The following FRZB variants were observed in gnomAD, a reference collection of about 807,000 sequenced individuals.
FRZB encodes the protein secreted frizzled-related protein 3.
FRZB carries 34 observed loss-of-function variants against 32.5 expected under a neutral mutation model. That is an observed-to-expected ratio of 1.05 (90% confidence interval 0.80 to 1.39). FRZB has a LOEUF of 1.39. Ranked by LOEUF, FRZB falls within the 40% of genes most tolerant of loss-of-function variation. The pLI, the probability that FRZB is intolerant of heterozygous loss-of-function variation, is 0.00. For synonymous variants in FRZB, 170 were observed against 159.2 expected (o/e 1.07, Z -0.51); for missense variants, 423 against 424.8 (o/e 1.00, Z 0.04).
In FRZB at chr2:182,837,942, G is replaced by A; in HGVS notation, c.861+6C>T. ...GTATTACTTCAAACATAAAATACAG[G>A]CTTACCTTAACTTTTTTACCGAGTC... On this transcript the variant is annotated splice_donor_region_variant and intron_variant, in intron 5 of 5. Coordinates refer to ENST00000295113, the MANE Select transcript of FRZB (RefSeq NM_001463.4). 2.5e-6 allele frequency: 4 copies of A among 1,608,174 alleles called. No homozygotes were observed. Among genetic ancestry groups the A allele is most frequent in the South Asian group, 1.1e-5 (1 of 90,884 alleles).
chr2:182,853,927 C>T (rs1173262059), intron 2 of FRZB, among the ~76,000 whole-genome samples: 1 of 152,048 alleles, frequency 6.6e-6, no homozygotes, highest in African/African-American at 2.4e-5. Context: ...TATCCATGAA[C>T]ATTAGAATGA....
At chr2:182,843,748 G>A (rs1372918935) in intron 2 of FRZB, among the ~76,000 whole-genome samples, 1 of 152,092 alleles carries the variant, frequency 6.6e-6, no homozygotes, top group African/African-American at 2.4e-5. Flanking sequence ...TCTGGGCAAT[G>A]TGGCAAAACC....
chr2:182,856,409 G>A (rs1461106673), intron 2 of FRZB, among the ~76,000 whole-genome samples: 1 of 151,660 alleles, frequency 6.6e-6, no homozygotes, highest in Non-Finnish European at 1.5e-5. Flanking sequence ...AAAGAAAGAA[G>A]AGAATGTGAA....
At chr2:182,841,382 C>G (rs1158855939) in intron 3 of FRZB, among the ~76,000 whole-genome samples, 1 of 151,900 alleles carries the variant, frequency 6.6e-6, no homozygotes, top group Non-Finnish European at 1.5e-5. Context: ...CTTTCAATTC[C>G]CAAAAGTATA....
intron 2 of FRZB, among the ~76,000 whole-genome samples, chr2:182,849,051 C>T (rs1451513873): frequency 6.6e-6 from 1 of 152,036 alleles, no homozygotes; most frequent in South Asian, 2.1e-4. Flanking sequence ...CACGGTGAAA[C>T]CCCGTCTCTA....
intron 2 of FRZB, among the ~76,000 whole-genome samples, chr2:182,849,271 T>C (rs1190186323): frequency 8.4e-6 from 1 of 119,424 alleles, no homozygotes; most frequent in African/African-American, 2.8e-5. Context: ...AATAAATAAA[T>C]AAATAAATGT....
intron 1 of FRZB, among the ~76,000 whole-genome samples, chr2:182,863,076 C>T (rs1338735793): frequency 1.3e-5 from 2 of 152,104 alleles, no homozygotes; most frequent in Non-Finnish European, 2.9e-5. Flanking sequence ...GCTTTAATTT[C>T]ATCTTTACCA....
In FRZB at chr2:182,866,262, G is replaced by C; in HGVS notation, c.291C>G (p.Thr97=). The C allele has an allele frequency of 6.2e-7, 1 of 1,614,226 alleles. No homozygotes were observed. The highest frequency in any genetic ancestry group is 8.5e-7 in the Non-Finnish European group (1 of 1,180,044). ...TGATGGGCTCGTGCTGGAAGTCAATGGTGCAGATGGGCGCGTACATGGCAC... is the reference window on the plus strand; with the variant it reads ...TGATGGGCTCGTGCTGGAAGTCAATCGTGCAGATGGGCGCGTACATGGCAC... ...FLCAMYAPIC[T]IDFQHEPIKP... Residue 97 remains threonine, a synonymous_variant, in exon 1 of 6, where the codon ACC becomes ACG. Transcript: ENST00000295113. The surrounding 1 kb of genome is among the most constrained non-coding windows in gnomAD (Gnocchi z 4.5).
rs554432959 is a variant in FRZB, at chr2:182,834,225, T to A, written c.*624A>T. The stretch of plus-strand genomic sequence containing the variant: ...TCAGGCAAAATGTTCTTTCTTAAGC[T>A]CCTATTTATTTTACTTCCTGACAGT... On this transcript the variant is annotated 3_prime_UTR_variant, in exon 6 of 6. Transcript: ENST00000295113. 3 of 152,432 alleles carry A rather than the reference T, an allele frequency of 2.0e-5. No homozygotes were observed. The East Asian group carries it at 5.8e-4, about 29-fold the overall frequency. 9.4% of individuals were successfully genotyped at this position (152,432 alleles called of 1,614,324 possible).
At position 182,863,207 on chromosome 2, in the gene FRZB, T is replaced by C. The variant is rs111780859; in HGVS notation, c.478+2868A>G. On this transcript the variant is annotated intron_variant, in intron 1 of 5. Transcript: ENST00000295113. ...TCGGGGCAGAGTCATTCACACCTGGTCTGCCCCACTCCAAGCCTATCCTCT... is the reference window on the plus strand; with the variant it reads ...TCGGGGCAGAGTCATTCACACCTGGCCTGCCCCACTCCAAGCCTATCCTCT... Among the ~76,000 whole-genome samples the C allele has an allele frequency of 2.4e-3, 361 of 151,582 alleles. 2 individuals carry two copies. The highest frequency in any genetic ancestry group is 3.4e-3 in the Non-Finnish European group (229 of 67,560).
At position 182,834,253 on chromosome 2, in the gene FRZB, CA is replaced by C. The variant is rs1205473883; in HGVS notation, c.*595del. On this transcript the variant is annotated 3_prime_UTR_variant, in exon 6 of 6. Transcript: ENST00000295113. Reference sequence around the variant, plus strand: ...TATTTATTTTACTTCCTGACAGTCTCAAAAATAATTCATCTTGGGTGTTGTT... The same window carrying C: ...TATTTATTTTACTTCCTGACAGTCTCAAAATAATTCATCTTGGGTGTTGTT... 9.8e-5 allele frequency: 15 copies of C among 152,336 alleles called. No homozygotes were observed. Among genetic ancestry groups the C allele is most frequent in the African/African-American group, 3.6e-4 (15 of 41,558 alleles). The allele number at this position is 152,336 out of a possible 1,614,324, so 9.4% of individuals were successfully genotyped here. A position where few individuals can be genotyped will look rare whatever the true frequency, so the allele number is the denominator to read the frequency against.
intron 5 of FRZB, among the ~76,000 whole-genome samples, chr2:182,835,216 G>A (rs751381440): frequency 1.1e-4 from 16 of 152,040 alleles, no homozygotes; most frequent in Admixed American, 5.9e-4. Context: ...AACTTAAAAT[G>A]TCCATGTCTA....
intron 2 of FRZB, among the ~76,000 whole-genome samples, chr2:182,843,942 A>G (rs1695612500): frequency 6.6e-6 from 1 of 152,206 alleles, no homozygotes; most frequent in South Asian, 2.1e-4. Flanking sequence ...AAAAAAAAAA[A>G]AAGTTGTTTT....
intron 2 of FRZB, among the ~76,000 whole-genome samples, chr2:182,847,525 C>G (rs1695659251): frequency 6.6e-6 from 1 of 152,144 alleles, no homozygotes. Flanking sequence ...TGACTGGACC[C>G]TGAGCAAAAG....
intron 5 of FRZB, among the ~76,000 whole-genome samples, chr2:182,835,494 A>G (rs1004233788): frequency 6.6e-6 from 1 of 152,140 alleles, no homozygotes; most frequent in African/African-American, 2.4e-5. Flanking sequence ...ACTAAGTACA[A>G]TGAATAAAAC....
chr2:182,855,451 A>G (rs553440215), intron 2 of FRZB, among the ~76,000 whole-genome samples: 1 of 152,336 alleles, frequency 6.6e-6, no homozygotes, highest in African/African-American at 2.4e-5. Flanking sequence ...AATACAAAAT[A>G]TAATGAAGAA....
rs918276640 is a variant in FRZB, at chr2:182,847,193, A to C, written c.527-4650T>G. ...ATGACATGAAATTAAAACACAATGT[A>C]TATGTGTAATAAGAACATATAACTT... On this transcript the variant is annotated intron_variant, in intron 2 of 5. Coordinates refer to ENST00000295113, the MANE Select transcript of FRZB (RefSeq NM_001463.4). 2.0e-5 allele frequency among the ~76,000 whole-genome samples: 3 copies of C among 152,246 alleles called. No individual in the cohort carries two copies. The East Asian group carries it at 5.8e-4, about 29-fold the overall frequency.
At chr2:182,857,713 A>G (rs796804285) in intron 2 of FRZB, among the ~76,000 whole-genome samples, 46 of 152,194 alleles carry the variant, frequency 3.0e-4, no homozygotes, top group African/African-American at 1.1e-3. Context: ...AAGCAGAAGG[A>G]AATAATCAAT....
Position 182,833,439 on chromosome 2 carries a change from T to C in FRZB, c.*1410A>G, listed in dbSNP as rs1350949348. 1 of 152,186 alleles carries C rather than the reference T, an allele frequency of 6.6e-6. No individual in the cohort carries two copies. Among genetic ancestry groups the C allele is most frequent in the African/African-American group, 2.4e-5 (1 of 41,454 alleles). The allele number at this position is 152,186 out of a possible 1,614,324, so 9.4% of individuals were successfully genotyped here. A position where few individuals can be genotyped will look rare whatever the true frequency, so the allele number is the denominator to read the frequency against. On this transcript the variant is annotated 3_prime_UTR_variant, in exon 6 of 6. Coordinates refer to ENST00000295113, the MANE Select transcript of FRZB (RefSeq NM_001463.4). ...AGTACAGATGCTCCGCCATTTACGA[T>C]GGGGTTACATCTGGATAAACCCATT...
Sources: allele counts gnomAD v4.1 joint callset (sites outside exome capture counted in the v4.1 genomes callset), GRCh38; gene constraint gnomAD v4.1.1; non-coding constraint Gnocchi (gnomAD v3.1); transcripts MANE v1.5; gene names NCBI Gene and HGNC (gene_info 2026-07-23, HGNC 2026-07-21).